Variants in KAT5 observed in about 807,000 individuals in gnomAD.
KAT5 encodes the protein histone acetyltransferase KAT5.
KAT5 carries 31 observed loss-of-function variants against 68.1 expected under a neutral mutation model. That is an observed-to-expected ratio of 0.46 (90% confidence interval 0.34 to 0.61). The LOEUF is 0.61. Among genes scored for constraint, KAT5 ranks in the 20% least tolerant of loss-of-function variants. The probability of loss-of-function intolerance (pLI) is 0.01; values close to 1 mark genes in which losing one functional copy is unlikely to be tolerated. For missense variants in KAT5, 451 were observed against 725.5 expected (o/e 0.62, Z 4.35); for synonymous variants, 365 against 292.6 (o/e 1.25, Z -2.52).
chr11:65,719,111 G>A lies in KAT5; in HGVS notation c.1571G>A (p.Arg524Gln). Residue 524 changes from arginine (R) to glutamine (Q), a missense_variant, in exon 13 of 13, where the codon CGG becomes CAG. Physicochemically the swap from Arg to Gln is conservative, Grantham distance 43. Transcript: ENST00000341318. ...GGCCATGAGCGGGCCATGCTCAAGCGGCTCCTGCGGATCGACTCCAAGTGT... is the reference window on the plus strand; with the variant it reads ...GGCCATGAGCGGGCCATGCTCAAGCAGCTCCTGCGGATCGACTCCAAGTGT... ...VDGHERAMLK[R>Q]LLRIDSKCLH... 6.2e-7 allele frequency: 1 copy of A among 1,614,180 alleles called. No homozygotes were observed.
Position 65,714,672 on chromosome 11 carries a change from T to C in KAT5, c.868T>C (p.Leu290=), listed in dbSNP as rs114058675. The C allele has an allele frequency of 2.6e-4, 416 of 1,614,208 alleles. 3 individuals carry two copies. In the East Asian group the frequency reaches 8.8e-3, roughly 34 times the overall value. Residue 290 remains leucine (L), a synonymous_variant, in exon 7 of 13, where the codon TTG becomes CTG. Transcript: ENST00000341318. Reference sequence around the variant, plus strand: ...CCCGTACCCACAGGAACTCACCACATTGCCTGTCCTCTACCTGTGCGAGTT... The same window carrying C: ...CCCGTACCCACAGGAACTCACCACACTGCCTGTCCTCTACCTGTGCGAGTT... ...FSPYPQELTT[L]PVLYLCEFCL...
At position 65,719,225 on chromosome 11, in the gene KAT5, G is replaced by A; in HGVS notation, c.*44G>A. ...AGTGCCAAGACGGCAGCAGGACTGG[G>A]GCTGATAGCCCACCCCGCCCCCACT... On this transcript the variant is annotated 3_prime_UTR_variant, in exon 13 of 13. Transcript: ENST00000341318. 1.2e-6 allele frequency: 2 copies of A among 1,603,242 alleles called. No individual in the cohort carries two copies. The highest frequency in any genetic ancestry group is 1.7e-6 in the Non-Finnish European group (2 of 1,175,100).
rs760797089 is a variant in KAT5 at position 65,718,667 on chromosome 11, C to T, written c.1342C>T (p.Arg448Ter). The T allele has an allele frequency of 2.5e-6, 4 of 1,614,168 alleles. No homozygotes were observed. Among genetic ancestry groups the T allele is most frequent in the South Asian group, 1.1e-5 (1 of 91,078 alleles). ...CTCAGACCTTGGCCTCCTATCCTAT[C>T]GAAGCTACTGGTCCCAGACCATCCT... ...PLSDLGLLSYRSYWSQTILEI... is the reference protein window; with the variant it reads ...PLSDLGLLSY The change falls in exon 11 of 13, where the codon CGA becomes TGA. Residue 448 changes from arginine (R) to a stop codon, truncating the protein, a stop_gained. Coordinates refer to ENST00000341318, the MANE Select transcript of KAT5 (RefSeq NM_182710.3). LOFTEE classifies it high-confidence loss of function.
At chr11:65,712,051 G>T, upstream of KAT5, 1 of 434,612 alleles carries the variant, frequency 2.3e-6, no homozygotes, top group African/African-American at 2.0e-5. Context: ...CACTGGCTGT[G>T]CACGTTATGG....
Position 65,714,757 on chromosome 11 carries a change from A to G in KAT5, c.939+14A>G. The stretch of plus-strand genomic sequence containing the variant: ...CAGCGTCATTTGGTATGAGGGGTCC[A>G]GGGAGGCTGCCTTCCCAGCACCCTC... On this transcript the variant is annotated intron_variant, in intron 7 of 12. Coordinates refer to ENST00000341318, the MANE Select transcript of KAT5 (RefSeq NM_182710.3). 1.2e-6 allele frequency: 2 copies of G among 1,614,190 alleles called. No homozygotes were observed. Among genetic ancestry groups the G allele is most frequent in the South Asian group, 1.1e-5 (1 of 91,084 alleles).
intron 1 of KAT5, 81 bp downstream of exon 1, chr11:65,712,526 C>T (rs747919706): frequency 6.8e-7 from 1 of 1,479,028 alleles, no homozygotes. Context: ...TGGGGAGGGG[C>T]GTCTGGAATT....
chr11:65,713,148 G>A, intron 3 of KAT5, 90 bp downstream of exon 3: 1 of 1,519,110 alleles, frequency 6.6e-7, no homozygotes, highest in Non-Finnish European at 9.0e-7. Context: ...GCAGGAGGCG[G>A]CTCCCTCTCA....
intron 6 of KAT5, 89 bp from the exon 7 acceptor site, chr11:65,714,406 C>A: frequency 6.7e-7 from 1 of 1,488,962 alleles, no homozygotes; most frequent in Non-Finnish European, 9.1e-7. Context: ...TGCTGTTAGG[C>A]TTGAAGGAAA....
In KAT5 at chr11:65,719,586, A is replaced by G; in HGVS notation, c.*405A>G. ...TCTTACCCCTATTGCCCCCGGCAAT[A>G]AATTGTTTCTATATGCCAGAGCCAT... is the stretch of plus-strand genomic sequence containing the variant. On this transcript the variant is annotated 3_prime_UTR_variant, in exon 13 of 13. Transcript: ENST00000341318. 1 of 672,542 alleles carries G rather than the reference A, an allele frequency of 1.5e-6. No individual in the cohort carries two copies. Among genetic ancestry groups the G allele is most frequent in the Non-Finnish European group, 2.6e-6 (1 of 379,966 alleles). 41.7% of individuals were successfully genotyped at this position (672,542 alleles called of 1,614,324 possible). A position where few individuals can be genotyped will look rare whatever the true frequency, so the allele number is the denominator to read the frequency against.
chr11:65,717,034 A>G (rs764339908), intron 10 of KAT5, 52 bp downstream of exon 10: 1 of 1,355,098 alleles, frequency 7.4e-7, no homozygotes, highest in East Asian at 2.3e-5. Flanking sequence ...TCGGTGCCTC[A>G]CAGGCAGATG....
At position 65,718,766 on chromosome 11, in the gene KAT5, C is replaced by T. The variant is rs4645938; in HGVS notation, c.1424+17C>T. ...CACCATCAAGTGAGCCTGGCGCTGT[C>T]TACCTGGGGGTACATGGCATGGCTT... On this transcript the variant is annotated intron_variant, in intron 11 of 12. Transcript: ENST00000341318. 1.4e-3 allele frequency: 2,259 copies of T among 1,614,126 alleles called. 16 individuals are homozygous for T. In the Middle Eastern group the frequency reaches 0.026, roughly 19 times the overall value.
chr11:65,713,990 A>C (rs1857115825), intron 6 of KAT5, 142 bp downstream of exon 6: 2 of 775,644 alleles, frequency 2.6e-6, no homozygotes, highest in Non-Finnish European at 4.2e-6. Flanking sequence ...GACAGGCAGA[A>C]CATTGTTCAA....
At chr11:65,715,075 C>G in intron 8 of KAT5, 165 bp downstream of exon 8, 1 of 651,500 alleles carries the variant, frequency 1.5e-6, no homozygotes, top group Non-Finnish European at 2.8e-6. Flanking sequence ...AGTCTCTGTT[C>G]TCTGACAGCT....
At position 65,719,578 on chromosome 11, in the gene KAT5, C is replaced by T; in HGVS notation, c.*397C>T. On this transcript the variant is annotated 3_prime_UTR_variant, in exon 13 of 13. Transcript: ENST00000341318. ...CTGGCTTCTCTTACCCCTATTGCCC[C>T]CGGCAATAAATTGTTTCTATATGCC... 1 of 658,410 alleles carries T rather than the reference C, an allele frequency of 1.5e-6. No individual in the cohort carries two copies. The highest frequency in any genetic ancestry group is 2.7e-6 in the Non-Finnish European group (1 of 371,996). 40.8% of individuals were successfully genotyped at this position (658,410 alleles called of 1,614,324 possible).
intron 6 of KAT5, 127 bp downstream of exon 6, chr11:65,713,975 T>G (rs1857114831): frequency 5.8e-6 from 5 of 860,132 alleles, no homozygotes; most frequent in Non-Finnish European, 1.8e-6. Context: ...TTGGTGGGAT[T>G]AGGAGACAGG....
chr11:65,712,409 G>A lies in KAT5; in HGVS notation c.142G>A (p.Val48Met). Residue 48 changes from valine to methionine, a missense_variant, in exon 1 of 13, where the codon GTG becomes ATG. Physicochemically the swap from Val to Met is conservative, Grantham distance 21 (BLOSUM62 1). Coordinates refer to ENST00000341318, the MANE Select transcript of KAT5 (RefSeq NM_182710.3). Reference protein sequence around the residue: ...GEIIEGCRLPVLRRNQDNEDE... With the variant: ...GEIIEGCRLPMLRRNQDNEDE... ...GATAATCGAGGGCTGCCGCCTACCC[G>A]TGCTGCGGCGGAACCAGGACAACGA... 1 of 1,591,288 alleles carries A rather than the reference G, an allele frequency of 6.3e-7. No individual in the cohort carries two copies. The highest frequency in any genetic ancestry group is 1.9e-5 in the Admixed American group (1 of 51,744).
chr11:65,714,771 C>T, intron 7 of KAT5, 28 bp downstream of exon 7: 6 of 1,614,184 alleles, frequency 3.7e-6, no homozygotes, highest in Non-Finnish European at 5.1e-6. Context: ...AGGCTGCCTT[C>T]CCAGCACCCT....
Position 65,716,883 on chromosome 11 carries a change from C to A in KAT5, c.1171-6C>A, listed in dbSNP as rs369744219. On this transcript the variant is annotated splice_polypyrimidine_tract_variant and splice_region_variant and intron_variant, in intron 9 of 12. Coordinates refer to ENST00000341318, the MANE Select transcript of KAT5 (RefSeq NM_182710.3). ...TCCCTGACACTCACCTGTCCCCCTTCTCCAGGAGAAAGAATCAACGGAAGA... is the reference window on the plus strand; with the variant it reads ...TCCCTGACACTCACCTGTCCCCCTTATCCAGGAGAAAGAATCAACGGAAGA... The A allele has an allele frequency of 1.5e-4, 244 of 1,613,826 alleles. No individual in the cohort carries two copies. The highest frequency in any genetic ancestry group is 2.9e-5 in the Non-Finnish European group (34 of 1,179,774).
chr11:65,717,582 C>T (rs1857243439), intron 10 of KAT5: 1 of 159,324 alleles, frequency 6.3e-6, no homozygotes, highest in African/African-American at 2.4e-5. Context: ...TCTCACCACT[C>T]ACTTGGAATA....
Sources: gnomAD v4.1 joint callset for allele counts on GRCh38, gnomAD v4.1.1 for gene constraint, MANE v1.5 for transcripts, NCBI Gene and HGNC (gene_info 2026-07-23, HGNC 2026-07-21) for gene names.